The following TDRD9 variants were observed in gnomAD, a reference collection of about 807,000 sequenced individuals.
TDRD9 encodes the protein ATP-dependent RNA helicase TDRD9.
TDRD9 carries 124 observed loss-of-function variants against 172.6 expected under a neutral mutation model. The ratio of observed to expected loss-of-function variants is 0.72; its 90% CI spans 0.62 to 0.83. The LOEUF is 0.83. TDRD9 is among the 40% of genes least tolerant of loss of function. TDRD9 has a pLI of 0.00. For synonymous variants in TDRD9, 619 were observed against 617.1 expected (o/e 1.00, Z -0.05); for missense variants, 1,479 against 1,714.1 (o/e 0.86, Z 2.42).
At chr14:103,932,027 G>A (rs2030422427) in intron 1 of TDRD9, among the ~76,000 whole-genome samples, 1 of 152,178 alleles carries the variant, frequency 6.6e-6, no homozygotes. Flanking sequence ...ACAATTGCAA[G>A]GGCCTGGTTT....
chr14:103,950,015 T>C (rs1383103271), intron 1 of TDRD9, among the ~76,000 whole-genome samples: 3 of 146,608 alleles, frequency 2.0e-5, no homozygotes, highest in South Asian at 2.2e-4. Flanking sequence ...TGCCCTGCCC[T>C]GCCCTGCCCT....
intron 11 of TDRD9, 74 bp downstream of exon 11, chr14:103,994,677 T>C: frequency 1.6e-6 from 2 of 1,277,634 alleles, no homozygotes; most frequent in Non-Finnish European, 2.2e-6. Context: ...ATGAAAAATA[T>C]TTTCTGGGTG....
chr14:103,991,792 C>G (rs2033879474), intron 9 of TDRD9, among the ~76,000 whole-genome samples: 2 of 148,196 alleles, frequency 1.3e-5, no homozygotes, highest in Non-Finnish European at 3.0e-5. Context: ...GAGTCTCACT[C>G]TGTTGCCCAG....
At chr14:104,013,748 G>A (rs1193991649) in intron 20 of TDRD9, 1 of 151,804 alleles carries the variant, frequency 6.6e-6, no homozygotes, top group African/African-American at 2.4e-5. Flanking sequence ...TGCTGATTGG[G>A]TGTTGCATTA....
In TDRD9 at chr14:104,006,628, T is replaced by A; in HGVS notation, c.1880-18T>A. On this transcript the variant is annotated intron_variant, in intron 16 of 35. Transcript: ENST00000409874. ...CTCTCACAATCTTACATTCTTCTTG[T>A]TTATTTTTTATGGTTAGCGGCAGCT... 1 of 1,613,544 alleles carries A rather than the reference T, an allele frequency of 6.2e-7. No homozygotes were observed.
At chr14:104,000,744 C>T (rs1380971189) in intron 13 of TDRD9, among the ~76,000 whole-genome samples, 1 of 152,032 alleles carries the variant, frequency 6.6e-6, no homozygotes, top group Non-Finnish European at 1.5e-5. Flanking sequence ...TAGATCACGC[C>T]ACTGCACTCC....
At chr14:103,966,578 T>A (rs2032757190) in intron 4 of TDRD9, 131 bp from the exon 5 acceptor site, 1 of 922,572 alleles carries the variant, frequency 1.1e-6, no homozygotes, top group Non-Finnish European at 1.5e-6. Context: ...ATGTCACTTT[T>A]AATTTGGAGC....
At chr14:103,931,448 T>C (rs1202788265) in intron 1 of TDRD9, among the ~76,000 whole-genome samples, 1 of 152,214 alleles carries the variant, frequency 6.6e-6, no homozygotes, top group Non-Finnish European at 1.5e-5. Context: ...CTTCCTGGGC[T>C]CTAGGTGCAT....
chr14:104,047,198 G>C (rs911699919), intron 34 of TDRD9, among the ~76,000 whole-genome samples: 2 of 152,092 alleles, frequency 1.3e-5, no homozygotes, highest in African/African-American at 4.8e-5. Flanking sequence ...CAGTGTGCAG[G>C]TCTTGCACTT....
Position 103,964,223 on chromosome 14 carries a change from A to G in TDRD9, c.420+1047A>G, listed in dbSNP as rs116472169. ...GTGCCACTGCACTCCAGCCTGGGTG[A>G]CAGAGCTAGAGCCTGTGTCTAAAAA... On this transcript the variant is annotated intron_variant, in intron 3 of 35. Coordinates refer to ENST00000409874, the MANE Select transcript of TDRD9 (RefSeq NM_153046.3). 5.1e-3 allele frequency among the ~76,000 whole-genome samples: 771 copies of G among 152,220 alleles called. 8 individuals are homozygous for G. Among genetic ancestry groups the G allele is most frequent in the African/African-American group, 0.018 (743 of 41,546 alleles).
intron 13 of TDRD9, among the ~76,000 whole-genome samples, chr14:103,999,070 G>A (rs957442735): frequency 6.6e-6 from 1 of 152,242 alleles, no homozygotes; most frequent in African/African-American, 2.4e-5. Context: ...TGGGATTACA[G>A]GCGTGAGCCA....
At chr14:104,020,398 G>T in intron 23 of TDRD9, among the ~76,000 whole-genome samples, 1 of 152,284 alleles carries the variant, frequency 6.6e-6, no homozygotes, top group East Asian at 1.9e-4. Context: ...TTGCATGTGG[G>T]GGGCAAAGAA....
intron 1 of TDRD9, among the ~76,000 whole-genome samples, chr14:103,954,479 G>A (rs763711774): frequency 6.6e-6 from 1 of 152,170 alleles, no homozygotes; most frequent in Non-Finnish European, 1.5e-5. Context: ...TGCAGTAGGT[G>A]TTCAGTAAGT....
At position 104,009,947 on chromosome 14, in the gene TDRD9, C is replaced by CTT. The variant is rs553694826; in HGVS notation, c.2106+1496_2106+1497dup. ...CTCGTAATTTGTTTTTTCTTTCTTTCTTTTTTTTTTTTTTTTGAGATGGAG... is the reference window on the plus strand; with the variant it reads ...CTCGTAATTTGTTTTTTCTTTCTTTCTTTTTTTTTTTTTTTTTTGAGATGGAG... On this transcript the variant is annotated intron_variant, in intron 20 of 35. Coordinates refer to ENST00000409874, the MANE Select transcript of TDRD9 (RefSeq NM_153046.3). 3.9e-3 allele frequency among the ~76,000 whole-genome samples: 523 copies of CTT among 135,214 alleles called. 7 individuals are homozygous for CTT. In the East Asian group the frequency reaches 0.043, roughly 11 times the overall value. The allele number at this position is 135,214 out of a possible 152,430, so 88.7% of individuals were successfully genotyped here.
chr14:103,941,592 T>A (rs1042869170), intron 1 of TDRD9: 2 of 1,535,358 alleles, frequency 1.3e-6, no homozygotes, highest in Non-Finnish European at 1.7e-6. Context: ...TAGGTGCCAT[T>A]TTAATTCCCG....
chr14:103,960,875 C>T (rs1359394660), intron 2 of TDRD9, among the ~76,000 whole-genome samples: 3 of 152,232 alleles, frequency 2.0e-5, no homozygotes, highest in Admixed American at 1.3e-4. Flanking sequence ...GCTTGTTTAG[C>T]GGCATGTGAG....
chr14:104,031,748 C>A (rs778139194), intron 29 of TDRD9, among the ~76,000 whole-genome samples: 8 of 147,224 alleles, frequency 5.4e-5, no homozygotes, highest in Non-Finnish European at 1.2e-4. Flanking sequence ...AGTATTTTCA[C>A]TAAATTGTCA....
rs574091006 is a variant in TDRD9, at chr14:104,001,928, C to G, written c.1484-2310C>G. 2.0e-5 allele frequency among the ~76,000 whole-genome samples: 3 copies of G among 151,308 alleles called. No individual in the cohort carries two copies. The South Asian group carries it at 6.4e-4, about 32-fold the overall frequency. ...GGCCTATGTTTAGTTTTATAAGGAA[C>G]TACTGTAAACTCTTTCCATGGTGGC... is the stretch of plus-strand genomic sequence containing the variant. On this transcript the variant is annotated intron_variant, in intron 13 of 35. Transcript: ENST00000409874.
At chr14:103,974,099 G>T (rs2033142826) in intron 6 of TDRD9, among the ~76,000 whole-genome samples, 1 of 152,200 alleles carries the variant, frequency 6.6e-6, no homozygotes, top group African/African-American at 2.4e-5. Context: ...CTACCTCAGA[G>T]GCTGAGGTGA....
Sources: allele counts gnomAD v4.1 joint callset (sites outside exome capture counted in the v4.1 genomes callset), GRCh38; gene constraint gnomAD v4.1.1; transcripts MANE v1.5; gene names NCBI Gene and HGNC (gene_info 2026-07-23, HGNC 2026-07-21).